Variants in PRDM6 observed in about 807,000 individuals in gnomAD.
PRDM6 encodes the protein putative histone-lysine N-methyltransferase PRDM6.
A neutral mutation model predicts 60.8 loss-of-function variants in PRDM6; 25 were observed. The observed-to-expected ratio is 0.41, with a 90% confidence interval of 0.30 to 0.57. The LOEUF (loss-of-function observed/expected upper bound fraction) is 0.57, where lower values mean the gene tolerates loss of function less well. Among genes scored for constraint, PRDM6 ranks in the 20% least tolerant of loss-of-function variants. The probability of loss-of-function intolerance (pLI) is 0.27; values close to 1 mark genes in which losing one functional copy is unlikely to be tolerated. For missense variants in PRDM6, 839 were observed against 821.3 expected, an observed-to-expected ratio of 1.02 and a Z score of -0.26; for synonymous variants, 407 against 357.4, an observed-to-expected ratio of 1.14 and a Z score of -1.57.
chr5:123,161,593 C>A (rs1224087006), intron 5 of PRDM6, among the ~76,000 whole-genome samples: 1 of 152,146 alleles, frequency 6.6e-6, no homozygotes, highest in South Asian at 2.1e-4. Context: ...GGCAGCCAGA[C>A]AGTTATAAGT....
In PRDM6 at chr5:123,099,319, A is replaced by G. The variant is rs1764042632; in HGVS notation, c.593-335A>G. Among the ~76,000 whole-genome samples, 1 of 152,188 alleles carries G rather than the reference A, an allele frequency of 6.6e-6. No homozygotes were observed. On this transcript the variant is annotated intron_variant, in intron 2 of 7. Transcript: ENST00000407847. The surrounding 1 kb of genome is among the most constrained non-coding windows in gnomAD (Gnocchi z 4.0). ...GAGACAGAGACAGAGGGAGAGATGC[A>G]GAGAGACTGAAACGGGAGGAAGAAG... is the stretch of plus-strand genomic sequence containing the variant.
intron 3 of PRDM6, among the ~76,000 whole-genome samples, chr5:123,127,732 C>CTTT (rs879793936): frequency 0.011 from 1,661 of 148,898 alleles, 14 homozygotes; most frequent in Middle Eastern, 0.049. Context: ...TTCTTTCTTT[C>CTTT]CTTCTTTCCT....
rs1766421687 is a variant in PRDM6 at position 123,191,074 on chromosome 5, C to T, written c.*3873C>T. 1 of 152,116 alleles carries T rather than the reference C, an allele frequency of 6.6e-6. No homozygotes were observed. The highest frequency in any genetic ancestry group is 2.4e-5 in the African/African-American group (1 of 41,422). The allele number at this position is 152,116 out of a possible 1,614,324, so 9.4% of individuals were successfully genotyped here. A position where few individuals can be genotyped will look rare whatever the true frequency, so the allele number is the denominator to read the frequency against. On this transcript the variant is annotated 3_prime_UTR_variant, in exon 8 of 8. Coordinates refer to ENST00000407847, the MANE Select transcript of PRDM6 (RefSeq NM_001136239.4). Reference sequence around the variant, plus strand: ...CAGTATCAAGAGACCAGGATTAGGGCCTGGGTCTTGGGTTTTTATGACCCC... The same window carrying T: ...CAGTATCAAGAGACCAGGATTAGGGTCTGGGTCTTGGGTTTTTATGACCCC...
At chr5:123,143,106 A>G (rs1479238391) in intron 3 of PRDM6, among the ~76,000 whole-genome samples, 1 of 151,182 alleles carries the variant, frequency 6.6e-6, no homozygotes, top group Non-Finnish European at 1.5e-5. Flanking sequence ...AGTCAGTACT[A>G]TCCTTTTATC....
chr5:123,131,644 A>T (rs956936441), intron 3 of PRDM6, among the ~76,000 whole-genome samples: 1 of 152,192 alleles, frequency 6.6e-6, no homozygotes, highest in Admixed American at 6.5e-5. Flanking sequence ...GGCTGTGTCT[A>T]TCACAACACC....
In PRDM6 at chr5:123,090,123, GGCA is replaced by G. The variant is rs916233823; in HGVS notation, c.112_114del (p.Ser38del). The G allele has an allele frequency of 1.3e-6, 2 of 1,539,640 alleles. No individual in the cohort carries two copies. Among genetic ancestry groups the G allele is most frequent in the Admixed American group, 2.0e-5 (1 of 50,422 alleles). The stretch of plus-strand genomic sequence containing the variant: ...TCACGGAGGCGCAGGCCCGCTCAAG[GGCA>G]GCGGCGCCGCGGGTCTCCTGAGCGC... On this transcript the variant is annotated inframe_deletion, in exon 2 of 8. Transcript: ENST00000407847.
chr5:123,090,271 C>A lies in PRDM6; in HGVS notation c.257C>A (p.Ser86Tyr). The A allele has an allele frequency of 6.7e-7, 1 of 1,485,916 alleles. No homozygotes were observed. The highest frequency in any genetic ancestry group is 1.3e-5 in the South Asian group (1 of 78,688). The allele number at this position is 1,485,916 out of a possible 1,614,324, so 92.0% of individuals were successfully genotyped here. The change falls in exon 2 of 8, where the codon TCT becomes TAT. Residue 86 changes from serine (S) to tyrosine (Y), a missense_variant. Physicochemically the swap from Ser to Tyr is moderately radical, Grantham distance 144 (BLOSUM62 -2). This residue lies in a region of PRDM6 where 730 missense variants were observed against 648.8 expected (regional missense o/e 1.13). Transcript: ENST00000407847. ...TCCGCCTCGTCCACGCCGGCTTCCT[C>A]TTCCACCTCCGCCTCCTCCGCCTCC... ...LSSASSTPAS[S>Y]STSASSASSC...
intron 3 of PRDM6, among the ~76,000 whole-genome samples, chr5:123,115,181 C>G (rs1764406364): frequency 6.6e-6 from 1 of 152,044 alleles, no homozygotes; most frequent in Admixed American, 6.6e-5. Context: ...ATCTCATTCC[C>G]CTCCCCTGAC....
chr5:123,142,963 G>A (rs1580513862), intron 3 of PRDM6, among the ~76,000 whole-genome samples: 1 of 149,112 alleles, frequency 6.7e-6, no homozygotes, highest in East Asian at 2.0e-4. Flanking sequence ...CAGGAAAGGA[G>A]GAAATGAGAG....
At chr5:123,148,715 T>C (rs1031358096) in intron 3 of PRDM6, among the ~76,000 whole-genome samples, 2 of 152,224 alleles carry the variant, frequency 1.3e-5, no homozygotes, top group African/African-American at 4.8e-5. Context: ...TAATTCTCAC[T>C]AAATTGACAT....
chr5:123,094,280 T>G (rs1763909535), intron 2 of PRDM6, among the ~76,000 whole-genome samples: 1 of 152,192 alleles, frequency 6.6e-6, no homozygotes, highest in Admixed American at 6.5e-5. Flanking sequence ...TCGAGCCCAG[T>G]GGCACACCAG....
intron 3 of PRDM6, among the ~76,000 whole-genome samples, chr5:123,110,574 T>A (rs1580485072): frequency 6.7e-6 from 1 of 149,202 alleles, no homozygotes; most frequent in Non-Finnish European, 1.5e-5. Context: ...TTTTCTTTTT[T>A]TTTTTTTTTT....
At position 123,090,388 on chromosome 5, in the gene PRDM6, C is replaced by T; in HGVS notation, c.374C>T (p.Ala125Val). 4.1e-6 allele frequency: 6 copies of T among 1,463,028 alleles called. No individual in the cohort carries two copies. Among genetic ancestry groups the T allele is most frequent in the Non-Finnish European group, 5.4e-6 (6 of 1,113,546 alleles). The allele number at this position is 1,463,028 out of a possible 1,614,324, so 90.6% of individuals were successfully genotyped here. ...CCGGTGTTCGCGCCTCTAGCCGCCG[C>T]TGCCGTCGCCGCCGAGCCGCTGCCC... is the stretch of plus-strand genomic sequence containing the variant. Reference protein sequence around the residue: ...QLPVFAPLAAAAVAAEPLPPK... With the variant: ...QLPVFAPLAAVAVAAEPLPPK... Residue 125 changes from alanine (A) to valine (V), a missense_variant, in exon 2 of 8, where the codon GCT becomes GTT. This residue lies in a region of PRDM6 where 730 missense variants were observed against 648.8 expected (regional missense o/e 1.13). Coordinates refer to ENST00000407847, the MANE Select transcript of PRDM6 (RefSeq NM_001136239.4).
At chr5:123,103,141 A>G (rs1764138693) in intron 3 of PRDM6, among the ~76,000 whole-genome samples, 2 of 152,060 alleles carry the variant, frequency 1.3e-5, no homozygotes, top group African/African-American at 4.8e-5. Flanking sequence ...ATATCATTTC[A>G]TTATATTCAG....
Position 123,170,870 on chromosome 5 carries a change from G to T in PRDM6, c.1258G>T (p.Val420Phe). 1 of 1,552,208 alleles carries T rather than the reference G, an allele frequency of 6.4e-7. No homozygotes were observed. Among genetic ancestry groups the T allele is most frequent in the South Asian group, 1.2e-5 (1 of 84,058 alleles). Residue 420 changes from valine (V) to phenylalanine (F), a missense_variant, in exon 6 of 8, where the codon GTT becomes TTT. Transcript: ENST00000407847. ...CCCTACCACCCAGCAGCGCTCCGTT[G>T]TTTTCCCCCAGACTCCGTGCAGCAG... ...LAPTTQQRSV[V>F]FPQTPCSRNF...
intron 3 of PRDM6, among the ~76,000 whole-genome samples, chr5:123,155,117 A>C (rs1313395662): frequency 6.6e-6 from 1 of 152,070 alleles, no homozygotes; most frequent in East Asian, 1.9e-4. Context: ...GAGTGGTTTG[A>C]AGCAGATTTC....
chr5:123,185,767 T>C (rs1474424371), intron 7 of PRDM6, among the ~76,000 whole-genome samples: 1 of 152,138 alleles, frequency 6.6e-6, no homozygotes, highest in Non-Finnish European at 1.5e-5. Flanking sequence ...CCAGAGTGGA[T>C]TGATGTGTTC....
intron 4 of PRDM6, among the ~76,000 whole-genome samples, chr5:123,158,591 T>TG (rs1249838242): frequency 6.6e-6 from 1 of 152,216 alleles, no homozygotes; most frequent in Non-Finnish European, 1.5e-5. Context: ...AGCCACTTTG[T>TG]GGTGACAAAA....
At chr5:123,168,945 C>T (rs1303661058) in intron 5 of PRDM6, among the ~76,000 whole-genome samples, 1 of 152,250 alleles carries the variant, frequency 6.6e-6, no homozygotes, top group East Asian at 1.9e-4. Flanking sequence ...TAGTCCCCCA[C>T]CGTTGAGGAT....
Sources: gnomAD v4.1 joint callset for allele counts (sites outside exome capture counted in the v4.1 genomes callset) on GRCh38, gnomAD v4.1.1 for gene constraint, gnomAD v4.1.1 regional missense constraint, Gnocchi (gnomAD v3.1) non-coding constraint, MANE v1.5 for transcripts, NCBI Gene and HGNC (gene_info 2026-07-23, HGNC 2026-07-21) for gene names.